The following HS6ST3 variants were observed in gnomAD, a reference collection of about 807,000 sequenced individuals.
HS6ST3 encodes heparan-sulfate 6-O-sulfotransferase 3.
A neutral mutation model predicts 36.7 loss-of-function variants in HS6ST3; 12 were observed. The observed-to-expected ratio is 0.33, with a 90% CI of 0.21 to 0.53. The LOEUF (loss-of-function observed/expected upper bound fraction) is 0.53. Ranked by LOEUF, HS6ST3 falls within the 20% of genes least tolerant of loss-of-function variation. The pLI is 0.95. For missense variants in HS6ST3, 584 were observed against 640.9 expected, an observed-to-expected ratio of 0.91 and a Z score of 0.96; for synonymous variants, 240 against 257.5, an observed-to-expected ratio of 0.93 and a Z score of 0.65.
chr13:96,521,111 G>A (rs1168409130), intron 1 of HS6ST3, among the ~76,000 whole-genome samples: 2 of 152,192 alleles, frequency 1.3e-5, no homozygotes, highest in Non-Finnish European at 2.9e-5. Flanking sequence ...AGATAATCAT[G>A]TGGTTTTTGT....
chr13:96,557,738 T>C (rs150999905), intron 1 of HS6ST3, among the ~76,000 whole-genome samples: 165 of 152,214 alleles, frequency 1.1e-3, no homozygotes, highest in Non-Finnish European at 1.8e-3. Flanking sequence ...ATCATGATAA[T>C]AGTATTTTCA....
chr13:96,114,767 A>G (rs2053885994), intron 1 of HS6ST3, among the ~76,000 whole-genome samples: 1 of 152,196 alleles, frequency 6.6e-6, no homozygotes, highest in Non-Finnish European at 1.5e-5. Context: ...AAATAAATAA[A>G]ACACTGCTCT....
At chr13:96,611,202 G>C (rs1478587555) in intron 1 of HS6ST3, among the ~76,000 whole-genome samples, 1 of 151,032 alleles carries the variant, frequency 6.6e-6, no homozygotes, top group Non-Finnish European at 1.5e-5. Flanking sequence ...AGTTACATAT[G>C]AATACATGTG....
intron 1 of HS6ST3, among the ~76,000 whole-genome samples, chr13:96,635,224 G>T (rs1481520289): frequency 2.0e-5 from 3 of 150,774 alleles, no homozygotes; most frequent in African/African-American, 7.3e-5. Context: ...GTTTCCCTTA[G>T]GATTTCAATG....
chr13:96,314,068 G>A (rs1206982276), intron 1 of HS6ST3, among the ~76,000 whole-genome samples: 3 of 152,156 alleles, frequency 2.0e-5, no homozygotes, highest in African/African-American at 7.2e-5. Flanking sequence ...GGGAATGATG[G>A]TGCATGTCTG....
intron 1 of HS6ST3, among the ~76,000 whole-genome samples, chr13:96,192,712 T>C (rs1594710841): frequency 6.6e-6 from 1 of 152,074 alleles, no homozygotes; most frequent in East Asian, 1.9e-4. Context: ...AGTGCTGCGA[T>C]GAATATATGT....
chr13:96,263,958 G>A (rs988464193), intron 1 of HS6ST3, among the ~76,000 whole-genome samples: 2 of 152,208 alleles, frequency 1.3e-5, no homozygotes, highest in African/African-American at 4.8e-5. Context: ...TCTCAAAATG[G>A]AGCCTGGCCT....
At chr13:96,290,644 C>T (rs1289592109) in intron 1 of HS6ST3, among the ~76,000 whole-genome samples, 1 of 152,162 alleles carries the variant, frequency 6.6e-6, no homozygotes, top group Non-Finnish European at 1.5e-5. Flanking sequence ...CCTACCTCTA[C>T]TCTCTTCCCA....
intron 1 of HS6ST3, among the ~76,000 whole-genome samples, chr13:96,514,608 A>G (rs1330156615): frequency 1.3e-5 from 2 of 152,186 alleles, no homozygotes. Context: ...GCGGCTGCCG[A>G]CACGCCAAGA....
At chr13:96,131,470 C>T (rs1018871783) in intron 1 of HS6ST3, among the ~76,000 whole-genome samples, 9 of 151,878 alleles carry the variant, frequency 5.9e-5, no homozygotes, top group African/African-American at 1.2e-4. Context: ...GTACTCATGA[C>T]GTTTTGAAAT....
At chr13:96,100,764 C>A (rs891079820) in intron 1 of HS6ST3, among the ~76,000 whole-genome samples, 1 of 152,158 alleles carries the variant, frequency 6.6e-6, no homozygotes, top group South Asian at 2.1e-4. Context: ...TGGCCTTCAG[C>A]AAGTCAGAGA....
At chr13:96,446,599 A>T (rs1243585916) in intron 1 of HS6ST3, among the ~76,000 whole-genome samples, 6 of 152,166 alleles carry the variant, frequency 3.9e-5, no homozygotes, top group Non-Finnish European at 7.4e-5. Context: ...CGCTATTCTT[A>T]TTCTGGCGGT....
intron 1 of HS6ST3, among the ~76,000 whole-genome samples, chr13:96,774,919 G>T (rs1014698488): frequency 1.4e-4 from 21 of 152,174 alleles, no homozygotes; most frequent in African/African-American, 4.6e-4. Context: ...AAAATGTTAA[G>T]GGCAGCCAGA....
At chr13:96,559,452 A>G (rs970443594) in intron 1 of HS6ST3, among the ~76,000 whole-genome samples, 1 of 152,124 alleles carries the variant, frequency 6.6e-6, no homozygotes, top group Non-Finnish European at 1.5e-5. Flanking sequence ...ATAAAGCTAC[A>G]TATCTTCCCA....
At chr13:96,366,684 C>T (rs1303711543) in intron 1 of HS6ST3, among the ~76,000 whole-genome samples, 1 of 152,054 alleles carries the variant, frequency 6.6e-6, no homozygotes, top group African/African-American at 2.4e-5. Flanking sequence ...CATAGTACCC[C>T]AGATGATTCT....
At position 96,833,102 on chromosome 13, in the gene HS6ST3, G is replaced by T; in HGVS notation, c.1320G>T (p.Leu440=). 6.2e-7 allele frequency: 1 copy of T among 1,606,366 alleles called. No homozygotes were observed. Among genetic ancestry groups the T allele is most frequent in the African/African-American group, 1.3e-5 (1 of 75,060 alleles). ...AGAAGCGGCGGGAGGAGCGGAGGCT[G>T]CAGCGAGAGCACAGGGACCACCAGT... ...DRQKRREERR[L]QREHRDHQWP... is the part of the protein sequence containing the mutation. The change falls in exon 2 of 2, where the codon CTG becomes CTT. Residue 440 remains leucine (L), a synonymous_variant. Coordinates refer to ENST00000376705, the MANE Select transcript of HS6ST3 (RefSeq NM_153456.4).
chr13:96,368,795 A>G (rs986022591), intron 1 of HS6ST3, among the ~76,000 whole-genome samples: 4 of 152,302 alleles, frequency 2.6e-5, no homozygotes, highest in African/African-American at 9.6e-5. Context: ...TAAGTTAGTT[A>G]TGATATTGGA....
chr13:96,671,033 A>T lies in HS6ST3; in HGVS notation c.708-161457A>T, dbSNP rs889973263. Among the ~76,000 whole-genome samples the T allele has an allele frequency of 3.9e-5, 6 of 152,214 alleles. No individual in the cohort carries two copies. In the South Asian group the frequency reaches 1.0e-3, roughly 26 times the overall value. ...TTAGGGATAGGCTTTACTTTACTGA[A>T]CACTTAGGGGTAATGAAAGTACACC... On this transcript the variant is annotated intron_variant, in intron 1 of 1. Transcript: ENST00000376705.
chr13:96,805,694 T>C (rs1878182085), intron 1 of HS6ST3, among the ~76,000 whole-genome samples: 1 of 152,204 alleles, frequency 6.6e-6, no homozygotes, highest in African/African-American at 2.4e-5. Flanking sequence ...GACTTGACCA[T>C]GCAATTAACA....
Sources: allele counts gnomAD v4.1 joint callset (sites outside exome capture counted in the v4.1 genomes callset), GRCh38; gene constraint gnomAD v4.1.1; transcripts MANE v1.5; gene names NCBI Gene and HGNC (gene_info 2026-07-23, HGNC 2026-07-21).